The following SOX8 variants were observed in gnomAD, a reference collection of about 807,000 sequenced individuals.
SOX8 encodes the protein SRY-box transcription factor 8, also known as transcription factor SOX-8.
In SOX8, 9 loss-of-function variants were observed where a neutral mutation model predicts 22.9. That is an observed-to-expected ratio of 0.39 (90% CI 0.24 to 0.69). The LOEUF (loss-of-function observed/expected upper bound fraction) is 0.69. Among genes scored for constraint, SOX8 ranks in the 30% least tolerant of loss-of-function variants. The probability of loss-of-function intolerance (pLI) is 0.43; values close to 1 mark genes in which losing one functional copy is unlikely to be tolerated. For synonymous variants in SOX8, 416 were observed against 330.6 expected (o/e 1.26, Z -2.80); for missense variants, 734 against 699.4 (o/e 1.05, Z -0.56).
Position 985,424 on chromosome 16 carries a change from G to C in SOX8, c.*38G>C. 1 of 1,460,928 alleles carries C rather than the reference G, an allele frequency of 6.8e-7. No individual in the cohort carries two copies. 90.5% of individuals were successfully genotyped at this position (1,460,928 alleles called of 1,614,324 possible). On this transcript the variant is annotated 3_prime_UTR_variant, in exon 3 of 3. Coordinates refer to ENST00000293894, the MANE Select transcript of SOX8 (RefSeq NM_014587.5). ...GGGGAGGGACTCGCAGGCGTCAGGG[G>C]GCAGCCTTGTCCCGGCCCAGTGTGT...
rs1260576262 is a variant in SOX8, at chr16:985,361, T to C, written c.1316T>C (p.Val439Ala). The C allele has an allele frequency of 3.2e-6, 5 of 1,580,428 alleles. No homozygotes were observed. Among genetic ancestry groups the C allele is most frequent in the Non-Finnish European group, 4.3e-6 (5 of 1,169,508 alleles). ...HSPTSHWDQP[V>A]YTTLTRP Reference sequence around the variant, plus strand: ...CCCACCAGTCACTGGGACCAGCCGGTGTACACCACCCTGACCAGGCCCTGA... The same window carrying C: ...CCCACCAGTCACTGGGACCAGCCGGCGTACACCACCCTGACCAGGCCCTGA... The change falls in exon 3 of 3, where the codon GTG becomes GCG. Residue 439 changes from valine (V) to alanine (A), a missense_variant. By Grantham distance (64) the Val-to-Ala change is moderately conservative. This residue lies in a region of SOX8 where 588 missense variants were observed against 568.2 expected (regional missense o/e 1.03). Transcript: ENST00000293894.
rs1386224011 is a variant in SOX8 at position 982,089 on chromosome 16, C to A, written c.167C>A (p.Pro56Gln). ...GCGGTGGGGGGCGCCCGGGGCGACC[C>A]GGCGGAGGCGGCGGACGAGCGCTTC... ...GVAVGGARGD[P>Q]AEAADERFPA... The change falls in exon 1 of 3, where the codon CCG becomes CAG. Residue 56 changes from proline (P) to glutamine (Q), a missense_variant. Coordinates refer to ENST00000293894, the MANE Select transcript of SOX8 (RefSeq NM_014587.5). 3 of 1,308,754 alleles carry A rather than the reference C, an allele frequency of 2.3e-6. No individual in the cohort carries two copies. The East Asian group carries it at 9.3e-5, about 40-fold the overall frequency. The allele number at this position is 1,308,754 out of a possible 1,614,324, so 81.1% of individuals were successfully genotyped here. A position where few individuals can be genotyped will look rare whatever the true frequency, so the allele number is the denominator to read the frequency against.
Position 984,812 on chromosome 16 carries a change from G to A in SOX8, c.767G>A (p.Arg256His), listed in dbSNP as rs556723952. 5.0e-6 allele frequency: 8 copies of A among 1,611,992 alleles called. No homozygotes were observed. The highest frequency in any genetic ancestry group is 1.6e-4 in the Middle Eastern group (1 of 6,062). ...LEGRRPVDSGRQNIDFSNVDI... is the reference protein window; with the variant it reads ...LEGRRPVDSGHQNIDFSNVDI... Reference sequence around the variant, plus strand: ...GGACGCCGGCCGGTGGACAGCGGGCGCCAGAACATCGACTTCAGCAACGTG... The same window carrying A: ...GGACGCCGGCCGGTGGACAGCGGGCACCAGAACATCGACTTCAGCAACGTG... Residue 256 changes from arginine (R) to histidine (H), a missense_variant, in exon 3 of 3, where the codon CGC becomes CAC. Physicochemically the swap from Arg to His is conservative, Grantham distance 29. Around this residue, in one of 3 missense-constraint regions of SOX8, gnomAD observed 588 missense variants for 568.2 expected, o/e 1.03. Transcript: ENST00000293894.
Position 983,588 on chromosome 16 carries a change from T to C in SOX8, c.423-140T>C, listed in dbSNP as rs1054763610. 2.0e-5 allele frequency: 14 copies of C among 693,162 alleles called. No individual in the cohort carries two copies. In the Admixed American group the frequency reaches 3.0e-4, roughly 15 times the overall value. 42.9% of individuals were successfully genotyped at this position (693,162 alleles called of 1,614,324 possible). On this transcript the variant is annotated intron_variant, in intron 1 of 2. Transcript: ENST00000293894. ...TGTACTGCCTGGTGCCACGGGAGGC[T>C]CCGGAGCGCACGGCAGGCGGGTTTC... is the stretch of plus-strand genomic sequence containing the variant.
In SOX8 at chr16:982,327, G is replaced by T; in HGVS notation, c.405G>T (p.Thr135=). 1 of 1,396,318 alleles carries T rather than the reference G, an allele frequency of 7.2e-7. No individual in the cohort carries two copies. Among genetic ancestry groups the T allele is most frequent in the Non-Finnish European group, 9.4e-7 (1 of 1,069,282 alleles). 86.5% of individuals were successfully genotyped at this position (1,396,318 alleles called of 1,614,324 possible). A position where few individuals can be genotyped will look rare whatever the true frequency, so the allele number is the denominator to read the frequency against. ...TGCACAACGCCGAGCTCAGCAAGACGCTGGGCAAGCTGTGGCGGTGAGTGC... is the reference window on the plus strand; with the variant it reads ...TGCACAACGCCGAGCTCAGCAAGACTCTGGGCAAGCTGTGGCGGTGAGTGC... The part of the protein sequence containing the change: ...PHLHNAELSK[T]LGKLWRLLSE... The change falls in exon 1 of 3, where the codon ACG becomes ACT. Residue 135 remains threonine, a synonymous_variant. Coordinates refer to ENST00000293894, the MANE Select transcript of SOX8 (RefSeq NM_014587.5).
In SOX8 at chr16:984,347, G is replaced by A. The variant is rs371273056; in HGVS notation, c.656-354G>A. 1.2e-4 allele frequency among the ~76,000 whole-genome samples: 18 copies of A among 152,310 alleles called. No homozygotes were observed. The East Asian group carries it at 3.1e-3, about 26-fold the overall frequency. ...CGGGGCCTCGGTCAGGCTGGCTGAC[G>A]CCCGCCAGCCTCAGAGTGCTTGGCT... On this transcript the variant is annotated intron_variant, in intron 2 of 2. Transcript: ENST00000293894.
Position 984,769 on chromosome 16 carries a change from C to T in SOX8, c.724C>T (p.Pro242Ser). The change falls in exon 3 of 3, where the codon CCG becomes TCG. Residue 242 changes from proline to serine, a missense_variant. Coordinates refer to ENST00000293894, the MANE Select transcript of SOX8 (RefSeq NM_014587.5). ...GGAGCTGCAGCAGGCGGGCGCCAAG[C>T]CGGAGCTGAAGCTGGAGGGACGCCG... The part of the protein sequence containing the change: ...KTELQQAGAK[P>S]ELKLEGRRPV... 6.2e-7 allele frequency: 1 copy of T among 1,605,840 alleles called. No individual in the cohort carries two copies. The highest frequency in any genetic ancestry group is 8.5e-7 in the Non-Finnish European group (1 of 1,177,498).
intron 1 of SOX8, 109 bp from the exon 2 acceptor site, chr16:983,619 T>G: frequency 9.6e-7 from 1 of 1,043,996 alleles, no homozygotes; most frequent in Non-Finnish European, 1.4e-6. Context: ...GTTTCCCTGG[T>G]CAGAGCCTCC....
rs1567355269 is a variant in SOX8, at chr16:982,006, G to T, written c.84G>T (p.Ser28=). The T allele has an allele frequency of 2.1e-6, 3 of 1,417,916 alleles. No individual in the cohort carries two copies. The South Asian group carries it at 4.3e-5, about 20-fold the overall frequency. 87.8% of individuals were successfully genotyped at this position (1,417,916 alleles called of 1,614,324 possible). A position where few individuals can be genotyped will look rare whatever the true frequency, so the allele number is the denominator to read the frequency against. Residue 28 remains serine (S), a synonymous_variant, in exon 1 of 3, where the codon TCG becomes TCT. Transcript: ENST00000293894. The part of the protein sequence containing the change: ...TASSMSHVED[S]DSDAPPSPAG... ...GCTCCATGTCGCACGTGGAGGACTC[G>T]GACTCGGACGCGCCGCCGTCTCCCG... is the stretch of plus-strand genomic sequence containing the variant.
rs995059129 is a variant in SOX8 at position 985,102 on chromosome 16, C to T, written c.1057C>T (p.Arg353Ter). 1.9e-6 allele frequency: 3 copies of T among 1,592,914 alleles called. No individual in the cohort carries two copies. The highest frequency in any genetic ancestry group is 2.6e-6 in the Non-Finnish European group (3 of 1,174,930). ...CCCCGGCCACTACGGCGACCAGCCC[C>T]GAGGCTCGCCCGACTACGGTTCCTG... The part of the protein sequence containing the change: ...PSPGHYGDQP[R>*]GSPDYGSCSG... Residue 353 changes from arginine (R) to a stop codon, truncating the protein, a stop_gained, in exon 3 of 3, where the codon CGA becomes TGA. Transcript: ENST00000293894. LOFTEE classifies it low-confidence loss of function (END_TRUNC).
chr16:985,444 G>C lies in SOX8; in HGVS notation c.*58G>C. 1 of 1,402,736 alleles carries C rather than the reference G, an allele frequency of 7.1e-7. No homozygotes were observed. The highest frequency in any genetic ancestry group is 9.5e-7 in the Non-Finnish European group (1 of 1,054,986). 86.9% of individuals were successfully genotyped at this position (1,402,736 alleles called of 1,614,324 possible). A position where few individuals can be genotyped will look rare whatever the true frequency, so the allele number is the denominator to read the frequency against. On this transcript the variant is annotated 3_prime_UTR_variant, in exon 3 of 3. Transcript: ENST00000293894. ...CAGGGGGCAGCCTTGTCCCGGCCCAGTGTGTGTGACCAGGGCGGGAGGGGC... is the reference window on the plus strand; with the variant it reads ...CAGGGGGCAGCCTTGTCCCGGCCCACTGTGTGTGACCAGGGCGGGAGGGGC...
Position 982,192 on chromosome 16 carries a change from C to T in SOX8, c.270C>T (p.Gly90=). ...GTCTGGTGCCCATGCCGGTGCGCGG[C>T]GGCGGCGGCGGCGCGCTCAAAGCCA... ...DWSLVPMPVR[G]GGGGALKAKP... is the part of the protein sequence containing the mutation. The change falls in exon 1 of 3, where the codon GGC becomes GGT. Residue 90 remains glycine (G), a synonymous_variant. Transcript: ENST00000293894. The T allele has an allele frequency of 2.7e-6, 4 of 1,504,444 alleles. No individual in the cohort carries two copies. The highest frequency in any genetic ancestry group is 2.1e-5 in the Admixed American group (1 of 47,564). 93.2% of individuals were successfully genotyped at this position (1,504,444 alleles called of 1,614,324 possible).
chr16:981,910 G>A lies in SOX8; in HGVS notation c.-13G>A. ...GCGCGTCTCCTGTGCGCGCCCCTCC[G>A]CGCGCGGCCCCGATGCTGGACATGA... On this transcript the variant is annotated 5_prime_UTR_variant, in exon 1 of 3. Coordinates refer to ENST00000293894, the MANE Select transcript of SOX8 (RefSeq NM_014587.5). 1 of 1,242,038 alleles carries A rather than the reference G, an allele frequency of 8.1e-7. No homozygotes were observed. The highest frequency in any genetic ancestry group is 1.0e-6 in the Non-Finnish European group (1 of 991,518). 76.9% of individuals were successfully genotyped at this position (1,242,038 alleles called of 1,614,324 possible).
rs778583065 is a variant in SOX8 at position 984,963 on chromosome 16, C to G, written c.918C>G (p.Ala306=). 2 of 1,596,598 alleles carry G rather than the reference C, an allele frequency of 1.3e-6. No homozygotes were observed. The highest frequency in any genetic ancestry group is 1.7e-6 in the Non-Finnish European group (2 of 1,172,502). ...PPEPGQAYGG[A]YFHAGASPVW... ...AGCCGGGCCAGGCCTATGGGGGCGC[C>G]TACTTCCACGCCGGGGCGTCCCCCG... Residue 306 remains alanine (A), a synonymous_variant, in exon 3 of 3, where the codon GCC becomes GCG. Transcript: ENST00000293894.
intron 1 of SOX8, 70 bp downstream of exon 1, chr16:982,414 G>C: frequency 7.8e-7 from 1 of 1,274,112 alleles, no homozygotes; most frequent in African/African-American, 1.5e-5. Context: ...GCGAGCGGGG[G>C]CCTGGAGGGC....
rs772327213 is a variant in SOX8, at chr16:982,280, C to T, written c.358C>T (p.Leu120=). 5.3e-6 allele frequency: 8 copies of T among 1,522,640 alleles called. No individual in the cohort carries two copies. In the South Asian group the frequency reaches 7.5e-5, roughly 14 times the overall value. 94.3% of individuals were successfully genotyped at this position (1,522,640 alleles called of 1,614,324 possible). Residue 120 remains leucine (L), a synonymous_variant, in exon 1 of 3, where the codon CTG becomes TTG. Coordinates refer to ENST00000293894, the MANE Select transcript of SOX8 (RefSeq NM_014587.5). ...GTGGGCGCAGGCGGCGCGCCGCAAGCTGGCCGACCAGTACCCGCACCTGCA... is the reference window on the plus strand; with the variant it reads ...GTGGGCGCAGGCGGCGCGCCGCAAGTTGGCCGACCAGTACCCGCACCTGCA... The part of the protein sequence containing the change: ...MVWAQAARRK[L]ADQYPHLHNA...
chr16:982,457 G>C, intron 1 of SOX8, 113 bp downstream of exon 1: 1 of 1,132,772 alleles, frequency 8.8e-7, no homozygotes, highest in Non-Finnish European at 1.1e-6. Flanking sequence ...CCACACGCAG[G>C]CTCCGGGCTC....
intron 2 of SOX8, among the ~76,000 whole-genome samples, chr16:984,270 C>G (rs1325571176): frequency 6.6e-6 from 1 of 152,244 alleles, no homozygotes; most frequent in African/African-American, 2.4e-5. Flanking sequence ...GCTGCCCACA[C>G]GGCACTCAGC....
chr16:983,740 G>A lies in SOX8; in HGVS notation c.435G>A (p.Glu145=), dbSNP rs146907427. The change falls in exon 2 of 3, where the codon GAG becomes GAA. Residue 145 remains glutamate, a synonymous_variant. Transcript: ENST00000293894. ...TLGKLWRLLS[E]SEKRPFVEEA... Reference sequence around the variant, plus strand: ...CCCTGTGCTGCAGCTTGCTGAGCGAGAGCGAGAAGCGGCCCTTCGTGGAGG... The same window carrying A: ...CCCTGTGCTGCAGCTTGCTGAGCGAAAGCGAGAAGCGGCCCTTCGTGGAGG... The A allele has an allele frequency of 2.9e-5, 46 of 1,612,384 alleles. No individual in the cohort carries two copies. The African/African-American group carries it at 5.9e-4, about 21-fold the overall frequency.
Sources: allele counts gnomAD v4.1 joint callset (sites outside exome capture counted in the v4.1 genomes callset), GRCh38; gene constraint gnomAD v4.1.1; regional missense constraint gnomAD v4.1.1; transcripts MANE v1.5; gene names NCBI Gene and HGNC (gene_info 2026-07-23, HGNC 2026-07-21).